EPHA3: variants seen among roughly 807,000 people sequenced by gnomAD.
The protein encoded by EPHA3 is EPH receptor A3, also known as ephrin type-A receptor 3.
EPHA3 carries 42 observed loss-of-function variants against 107.1 expected under a neutral mutation model. The observed-to-expected ratio is 0.39, with a 90% confidence interval of 0.31 to 0.51. EPHA3 has a LOEUF of 0.51. EPHA3 is among the 20% of genes least tolerant of loss of function. EPHA3 has a pLI of 0.78. For missense variants in EPHA3, 1,183 were observed against 1,211.2 expected (o/e 0.98, Z 0.35); for synonymous variants, 461 against 424.8 (o/e 1.09, Z -1.05).
At chr3:89,264,729 G>C (rs1349087652) in intron 3 of EPHA3, among the ~76,000 whole-genome samples, 1 of 151,916 alleles carries the variant, frequency 6.6e-6, no homozygotes, top group African/African-American at 2.4e-5. Context: ...CCACATCCTA[G>C]GCTCTCAGGA....
chr3:89,382,508 C>CAAAA (rs575357952), intron 5 of EPHA3, among the ~76,000 whole-genome samples: 1 of 79,764 alleles, frequency 1.3e-5, no homozygotes, highest in African/African-American at 4.8e-5. Flanking sequence ...AATTCCATCT[C>CAAAA]AAAAAAAAAA....
At chr3:89,430,365 A>G (rs1709543005) in intron 12 of EPHA3, among the ~76,000 whole-genome samples, 1 of 152,186 alleles carries the variant, frequency 6.6e-6, no homozygotes, top group Admixed American at 6.5e-5. Flanking sequence ...GCTTTATATT[A>G]AAATCCATTA....
At chr3:89,388,766 A>C (rs541926028) in intron 5 of EPHA3, among the ~76,000 whole-genome samples, 3 of 152,198 alleles carry the variant, frequency 2.0e-5, no homozygotes, top group African/African-American at 7.2e-5. Context: ...GTTATCTGCT[A>C]TCATCTTCTT....
rs1374135599 is a variant in EPHA3 at position 89,288,600 on chromosome 3, G to A, written c.815-52316G>A. On this transcript the variant is annotated intron_variant, in intron 3 of 16. Transcript: ENST00000336596. Reference sequence around the variant, plus strand: ...CAATACTTCTATGTGAGTGGAAAAGGGTTGCTATCACCCAGTAATGTTCTC... The same window carrying A: ...CAATACTTCTATGTGAGTGGAAAAGAGTTGCTATCACCCAGTAATGTTCTC... Among the ~76,000 whole-genome samples the A allele has an allele frequency of 3.3e-5, 5 of 152,046 alleles. No homozygotes were observed. The East Asian group carries it at 9.6e-4, about 29-fold the overall frequency.
chr3:89,198,333 A>G (rs1705894121), intron 2 of EPHA3, among the ~76,000 whole-genome samples: 1 of 152,182 alleles, frequency 6.6e-6, no homozygotes, highest in Admixed American at 6.5e-5. Flanking sequence ...TTTGTTCACA[A>G]TATCTCTAGA....
chr3:89,314,470 A>C (rs572560026), intron 3 of EPHA3, among the ~76,000 whole-genome samples: 26 of 152,120 alleles, frequency 1.7e-4, no homozygotes, highest in African/African-American at 6.3e-4. Context: ...TATTAATCAA[A>C]GATCCAAAGC....
intron 2 of EPHA3, among the ~76,000 whole-genome samples, chr3:89,149,344 G>T (rs1245923215): frequency 6.6e-6 from 1 of 151,710 alleles, no homozygotes; most frequent in Non-Finnish European, 1.5e-5. Flanking sequence ...TCATCTTTTG[G>T]GTTTCCTTTT....
chr3:89,308,819 C>T (rs1198625299), intron 3 of EPHA3, among the ~76,000 whole-genome samples: 1 of 151,914 alleles, frequency 6.6e-6, no homozygotes, highest in Non-Finnish European at 1.5e-5. Flanking sequence ...TTGTAGATAA[C>T]ATTGAATTAA....
At chr3:89,291,715 GT>G (rs1337448914) in intron 3 of EPHA3, among the ~76,000 whole-genome samples, 1 of 152,150 alleles carries the variant, frequency 6.6e-6, no homozygotes, top group Non-Finnish European at 1.5e-5. Context: ...GAGATTGTGT[GT>G]AAGGATCATT....
At chr3:89,319,166 T>A (rs1282258168) in intron 3 of EPHA3, among the ~76,000 whole-genome samples, 1 of 151,968 alleles carries the variant, frequency 6.6e-6, no homozygotes, top group Non-Finnish European at 1.5e-5. Flanking sequence ...TTTTCTTCTT[T>A]TACTCCTTTC....
At chr3:89,408,218 CAA>C (rs1709090524) in intron 9 of EPHA3, 87 bp downstream of exon 9, 2 of 1,271,762 alleles carry the variant, frequency 1.6e-6, no homozygotes, top group African/African-American at 3.0e-5. Flanking sequence ...TTCCTCCTGA[CAA>C]AGAGACTTCA....
At chr3:89,308,294 G>C (rs141636825) in intron 3 of EPHA3, among the ~76,000 whole-genome samples, 3 of 152,264 alleles carry the variant, frequency 2.0e-5, no homozygotes, top group African/African-American at 7.2e-5. Context: ...CAAACAGTTT[G>C]ATTATATGAC....
intron 3 of EPHA3, among the ~76,000 whole-genome samples, chr3:89,292,118 A>G (rs1399357542): frequency 6.6e-6 from 1 of 152,196 alleles, no homozygotes; most frequent in African/African-American, 2.4e-5. Flanking sequence ...AAAGATAAAG[A>G]TCATTTTACT....
chr3:89,267,785 G>C (rs1392461161), intron 3 of EPHA3, among the ~76,000 whole-genome samples: 1 of 151,996 alleles, frequency 6.6e-6, no homozygotes, highest in Non-Finnish European at 1.5e-5. Flanking sequence ...TAAAAGCTTA[G>C]AATAAATGAA....
intron 16 of EPHA3, among the ~76,000 whole-genome samples, chr3:89,476,081 A>G (rs1480530690): frequency 6.7e-6 from 1 of 149,056 alleles, no homozygotes; most frequent in Non-Finnish European, 1.5e-5. Flanking sequence ...AAAAAATTGT[A>G]TATAAAACAT....
intron 15 of EPHA3, among the ~76,000 whole-genome samples, chr3:89,469,231 AT>A (rs1447258921): frequency 3.3e-5 from 5 of 152,144 alleles, no homozygotes; most frequent in African/African-American, 1.2e-4. Flanking sequence ...AGTTTGAAGA[AT>A]CCTTCCCTTT....
chr3:89,259,456 T>C (rs891517851), intron 3 of EPHA3, among the ~76,000 whole-genome samples: 2 of 152,234 alleles, frequency 1.3e-5, no homozygotes, highest in Admixed American at 1.3e-4. Context: ...ACTAAATAAG[T>C]GTTGAATTAA....
At position 89,130,007 on chromosome 3, in the gene EPHA3, C is replaced by T. The variant is rs761795193; in HGVS notation, c.153+2734C>T. 6.1e-4 allele frequency among the ~76,000 whole-genome samples: 92 copies of T among 151,968 alleles called. 4 individuals are homozygous for T. The highest frequency in any genetic ancestry group is 3.1e-4 in the Non-Finnish European group (21 of 68,012). On this transcript the variant is annotated intron_variant, in intron 2 of 16. Coordinates refer to ENST00000336596, the MANE Select transcript of EPHA3 (RefSeq NM_005233.6). ...AATATTATACCATATTAAATCACTG[C>T]AAATTCTCACTCTTGATTTAGGGTA... is the stretch of plus-strand genomic sequence containing the variant.
intron 2 of EPHA3, among the ~76,000 whole-genome samples, chr3:89,149,690 G>A (rs1419841382): frequency 7.2e-6 from 1 of 138,892 alleles, no homozygotes; most frequent in Admixed American, 8.2e-5. Context: ...GTGTCCATGT[G>A]TTCTCATTGT....
Sources: allele counts gnomAD v4.1 joint callset (sites outside exome capture counted in the v4.1 genomes callset), GRCh38; gene constraint gnomAD v4.1.1; transcripts MANE v1.5; gene names NCBI Gene and HGNC (gene_info 2026-07-23, HGNC 2026-07-21).